Variants in TRIO observed in about 807,000 individuals in gnomAD.
TRIO encodes triple functional domain protein.
Under a neutral mutation model 351.9 loss-of-function variants are expected in TRIO, and 58 were observed. The ratio of observed to expected loss-of-function variants is 0.16; its 90% CI spans 0.13 to 0.21. The LOEUF is 0.21. Ranked by LOEUF, TRIO falls within the 10% of genes least tolerant of loss-of-function variation. TRIO has a pLI of 1.00. For synonymous variants in TRIO, 1,758 were observed against 1,595.7 expected (o/e 1.10, Z -2.42); for missense variants, 3,201 against 4,027.8 (o/e 0.79, Z 5.56).
At chr5:14,171,460 G>A (rs1246582510) in intron 1 of TRIO, among the ~76,000 whole-genome samples, 1 of 152,172 alleles carries the variant, frequency 6.6e-6, no homozygotes, top group Non-Finnish European at 1.5e-5. Context: ...ACATTTGAAT[G>A]TAGACCATAA....
intron 34 of TRIO, among the ~76,000 whole-genome samples, chr5:14,428,508 G>A (rs998093234): frequency 3.9e-5 from 6 of 152,066 alleles, no homozygotes; most frequent in South Asian, 2.1e-4. Context: ...AAACAAAGAC[G>A]CTGTCCCTTT....
chr5:14,279,743 C>G (rs1020298719), intron 2 of TRIO, among the ~76,000 whole-genome samples: 1 of 152,180 alleles, frequency 6.6e-6, no homozygotes, highest in South Asian at 2.1e-4. Context: ...CTTTAAAATT[C>G]TCATGTGGTT....
intron 6 of TRIO, among the ~76,000 whole-genome samples, chr5:14,295,496 A>T (rs537965983): frequency 6.6e-6 from 1 of 152,232 alleles, no homozygotes; most frequent in Non-Finnish European, 1.5e-5. Flanking sequence ...AGCTGTTACA[A>T]TCTAGGAATG....
In TRIO at chr5:14,480,164, A is replaced by G. The variant is rs144742668; in HGVS notation, c.6336+153A>G. On this transcript the variant is annotated intron_variant, in intron 43 of 56. Transcript: ENST00000344204. ...AAGTTAAACCTTAAAAATTTAAATCAGCTGTTAACTGAAGGTGAGGTGGCG... is the reference window on the plus strand; with the variant it reads ...AAGTTAAACCTTAAAAATTTAAATCGGCTGTTAACTGAAGGTGAGGTGGCG... 3.8e-3 allele frequency among the ~76,000 whole-genome samples: 552 copies of G among 144,090 alleles called. 1 individual carries two copies. Among genetic ancestry groups the G allele is most frequent in the African/African-American group, 0.013 (517 of 38,702 alleles). 94.5% of individuals were successfully genotyped at this position (144,090 alleles called of 152,430 possible). A position where few individuals can be genotyped will look rare whatever the true frequency, so the allele number is the denominator to read the frequency against.
intron 1 of TRIO, among the ~76,000 whole-genome samples, chr5:14,182,174 A>G (rs1789820635): frequency 6.6e-6 from 1 of 151,840 alleles, no homozygotes; most frequent in South Asian, 2.1e-4. Flanking sequence ...GATAAACGAG[A>G]CTTCTCTGTG....
chr5:14,480,519 C>T (rs543776584), intron 43 of TRIO, among the ~76,000 whole-genome samples: 6 of 152,234 alleles, frequency 3.9e-5, no homozygotes, highest in African/African-American at 1.4e-4. Context: ...TTTTGTATTC[C>T]TCTCTGTTGG....
intron 1 of TRIO, among the ~76,000 whole-genome samples, chr5:14,176,439 C>T (rs774136914): frequency 1.3e-5 from 2 of 152,146 alleles, no homozygotes; most frequent in Non-Finnish European, 2.9e-5. Flanking sequence ...CACCGCACCC[C>T]AGCCTGGGTG....
At chr5:14,273,480 C>A (rs768923098) in intron 2 of TRIO, among the ~76,000 whole-genome samples, 4 of 152,156 alleles carry the variant, frequency 2.6e-5, no homozygotes, top group South Asian at 4.1e-4. Flanking sequence ...AGTCAGAGGA[C>A]GGTGCTGTGG....
At chr5:14,396,045 A>T (rs928492235) in intron 28 of TRIO, among the ~76,000 whole-genome samples, 1 of 79,374 alleles carries the variant, frequency 1.3e-5, no homozygotes, top group Non-Finnish European at 2.3e-5. Flanking sequence ...GACTCCGCCT[A>T]AAAAAAAAAA....
At chr5:14,246,147 T>G (rs1467678034) in intron 1 of TRIO, among the ~76,000 whole-genome samples, 3 of 152,204 alleles carry the variant, frequency 2.0e-5, no homozygotes, top group Non-Finnish European at 2.9e-5. Flanking sequence ...CGTTGTATCC[T>G]TTGAAACAAT....
chr5:14,385,972 A>C lies in TRIO; in HGVS notation c.3571-1466A>C, dbSNP rs533543952. 5.3e-5 allele frequency among the ~76,000 whole-genome samples: 8 copies of C among 152,340 alleles called. No homozygotes were observed. In the East Asian group the frequency reaches 1.5e-3, roughly 29 times the overall value. Reference sequence around the variant, plus strand: ...CCACAGATGGCCCTTGTGGCAATGTAAGAGATGTTAGTGAAACAAGCAAAG... The same window carrying C: ...CCACAGATGGCCCTTGTGGCAATGTCAGAGATGTTAGTGAAACAAGCAAAG... On this transcript the variant is annotated intron_variant, in intron 21 of 56. Coordinates refer to ENST00000344204, the MANE Select transcript of TRIO (RefSeq NM_007118.4).
intron 1 of TRIO, among the ~76,000 whole-genome samples, chr5:14,257,927 C>G (rs1299934119): frequency 1.3e-5 from 2 of 152,186 alleles, no homozygotes; most frequent in African/African-American, 2.4e-5. Flanking sequence ...AATACTGTTA[C>G]AACTGCTACT....
chr5:14,258,770 T>A (rs1201238962), intron 1 of TRIO, among the ~76,000 whole-genome samples: 1 of 152,234 alleles, frequency 6.6e-6, no homozygotes, highest in East Asian at 1.9e-4. Context: ...CCCAGCCTCC[T>A]GCTCCACAGC....
chr5:14,341,177 A>G (rs1229802523), intron 11 of TRIO, among the ~76,000 whole-genome samples: 2 of 152,108 alleles, frequency 1.3e-5, no homozygotes, highest in African/African-American at 2.4e-5. Context: ...TGTGTATGGC[A>G]TTTATTCACA....
chr5:14,150,666 A>G (rs898435780), intron 1 of TRIO, among the ~76,000 whole-genome samples: 1 of 152,240 alleles, frequency 6.6e-6, no homozygotes, highest in Non-Finnish European at 1.5e-5. Context: ...GAGGAAATGC[A>G]GATAGAACCA....
intron 1 of TRIO, among the ~76,000 whole-genome samples, chr5:14,224,878 T>G (rs1325260120): frequency 6.6e-6 from 1 of 151,824 alleles, no homozygotes; most frequent in African/African-American, 2.4e-5. Flanking sequence ...ATATGTGACA[T>G]TATGTTAAAT....
chr5:14,445,677 C>A (rs115100449), intron 34 of TRIO, among the ~76,000 whole-genome samples: 46 of 152,286 alleles, frequency 3.0e-4, no homozygotes, highest in African/African-American at 1.0e-3. Flanking sequence ...AGGATACAGC[C>A]TTTGAAAAAC....
intron 34 of TRIO, among the ~76,000 whole-genome samples, chr5:14,426,676 C>G (rs986967875): frequency 2.0e-5 from 3 of 152,190 alleles, no homozygotes; most frequent in African/African-American, 7.2e-5. Flanking sequence ...AGCAGCGAGT[C>G]TCCGCAGATG....
At chr5:14,177,208 T>TCACAGGG (rs1789459088) in intron 1 of TRIO, among the ~76,000 whole-genome samples, 1 of 152,244 alleles carries the variant, frequency 6.6e-6, no homozygotes, top group African/African-American at 2.4e-5. Context: ...ATTATTTATG[T>TCACAGGG]TATATACGTG....
Sources: gnomAD v4.1 joint callset for allele counts (sites outside exome capture counted in the v4.1 genomes callset) on GRCh38, gnomAD v4.1.1 for gene constraint, MANE v1.5 for transcripts, NCBI Gene and HGNC (gene_info 2026-07-23, HGNC 2026-07-21) for gene names.